ARHGEF33: variants seen among roughly 807,000 people sequenced by gnomAD.
The protein encoded by ARHGEF33 is DH and coiled-coil domain-containing protein ENSP00000381780.
Under a neutral mutation model 101.9 loss-of-function variants are expected in ARHGEF33, and 72 were observed. The ratio of observed to expected loss-of-function variants is 0.71; its 90% CI spans 0.58 to 0.86. The LOEUF is 0.86. Ranked by LOEUF, ARHGEF33 falls within the 40% of genes least tolerant of loss-of-function variation. The pLI, the probability that ARHGEF33 is intolerant of heterozygous loss-of-function variation, is 0.00. For missense variants in ARHGEF33, 1,169 were observed against 1,111.3 expected (o/e 1.05, Z -0.74); for synonymous variants, 499 against 442.5 (o/e 1.13, Z -1.60).
intron 2 of ARHGEF33, among the ~76,000 whole-genome samples, chr2:38,905,841 T>C (rs913236556): frequency 6.6e-6 from 1 of 152,140 alleles, no homozygotes; most frequent in Non-Finnish European, 1.5e-5. Context: ...CAGAACAAGA[T>C]GAAATGAGCA....
intron 2 of ARHGEF33, among the ~76,000 whole-genome samples, chr2:38,909,264 C>T (rs1666458449): frequency 6.6e-6 from 1 of 152,072 alleles, no homozygotes; most frequent in African/African-American, 2.4e-5. Context: ...AATAAGGCCA[C>T]TTATTGTTTG....
At chr2:38,907,220 G>A (rs1666412503) in intron 2 of ARHGEF33, among the ~76,000 whole-genome samples, 1 of 152,188 alleles carries the variant, frequency 6.6e-6, no homozygotes, top group Non-Finnish European at 1.5e-5. Context: ...TGCACGGGCT[G>A]TGGACCATTT....
intron 1 of ARHGEF33, among the ~76,000 whole-genome samples, chr2:38,894,073 C>A (rs1558420858): frequency 6.6e-6 from 1 of 152,144 alleles, no homozygotes; most frequent in Non-Finnish European, 1.5e-5. Context: ...GATCCCAACA[C>A]TTTAGGAGGC....
chr2:38,943,073 G>T (rs569783493), intron 9 of ARHGEF33, among the ~76,000 whole-genome samples: 1 of 152,228 alleles, frequency 6.6e-6, no homozygotes, highest in African/African-American at 2.4e-5. Context: ...GATTACAGGC[G>T]TGTGCCACCA....
chr2:38,945,355 C>A (rs1667418352), intron 10 of ARHGEF33, among the ~76,000 whole-genome samples: 1 of 152,186 alleles, frequency 6.6e-6, no homozygotes, highest in South Asian at 2.1e-4. Flanking sequence ...CCTGACAAAC[C>A]CACGAGTGGC....
At chr2:38,917,828 CAAAAA>C (rs537310536) in intron 2 of ARHGEF33, among the ~76,000 whole-genome samples, 1 of 75,344 alleles carries the variant, frequency 1.3e-5, no homozygotes, top group Admixed American at 1.5e-4. Flanking sequence ...GACCTTGTCT[CAAAAA>C]AAAAAAAAAA....
At chr2:38,970,385 A>G (rs1010493909) in intron 17 of ARHGEF33, among the ~76,000 whole-genome samples, 12 of 152,214 alleles carry the variant, frequency 7.9e-5, no homozygotes, top group African/African-American at 2.9e-4. Flanking sequence ...CAGGGCTGCT[A>G]AAGAATCCAT....
intron 2 of ARHGEF33, among the ~76,000 whole-genome samples, chr2:38,907,296 C>T (rs1468628882): frequency 2.0e-5 from 3 of 152,196 alleles, no homozygotes; most frequent in African/African-American, 7.2e-5. Context: ...GCTTTGCTCA[C>T]TGGGAGTCTT....
Position 38,929,068 on chromosome 2 carries a change from C to A in ARHGEF33, c.237C>A (p.Phe79Leu). The change falls in exon 5 of 18, where the codon TTC (phenylalanine) becomes TTA (leucine). Residue 79 changes from phenylalanine (F) to leucine (L), a missense_variant. Coordinates refer to ENST00000409978, the MANE Select transcript of ARHGEF33 (RefSeq NM_001145451.5). Reference sequence around the variant, plus strand: ...AGATGAAGAATTCATTAAACTATTTCAAGGTAGGCCTCTCTTTAATTTCCC... The same window carrying A: ...AGATGAAGAATTCATTAAACTATTTAAAGGTAGGCCTCTCTTTAATTTCCC... The part of the protein sequence containing the change: ...VTEMKNSLNY[F>L]KEELSNAMSM... The A allele has an allele frequency of 6.5e-7, 1 of 1,545,826 alleles. No individual in the cohort carries two copies. The highest frequency in any genetic ancestry group is 1.2e-5 in the South Asian group (1 of 83,018).
chr2:38,897,159 C>T (rs1295226975), intron 2 of ARHGEF33, among the ~76,000 whole-genome samples: 4 of 152,178 alleles, frequency 2.6e-5, no homozygotes, highest in African/African-American at 7.2e-5. Context: ...AGTGGTCCGC[C>T]CGCCTCGGCC....
chr2:38,959,568 G>T, intron 15 of ARHGEF33: 1 of 366,554 alleles, frequency 2.7e-6, no homozygotes, highest in Admixed American at 4.3e-5. Context: ...AGGAGGGTCA[G>T]GGCTTCCACG....
At chr2:38,912,151 G>C (rs1666523361) in intron 2 of ARHGEF33, among the ~76,000 whole-genome samples, 2 of 152,230 alleles carry the variant, frequency 1.3e-5, no homozygotes, top group Non-Finnish European at 2.9e-5. Flanking sequence ...GGCCTGAATG[G>C]GTGTTTTTAG....
chr2:38,915,349 T>G (rs1666607136), intron 2 of ARHGEF33, among the ~76,000 whole-genome samples: 1 of 151,570 alleles, frequency 6.6e-6, no homozygotes, highest in African/African-American at 2.4e-5. Flanking sequence ...CTGTAGAGTT[T>G]CCAAATTTTC....
At chr2:38,930,965 C>T in intron 6 of ARHGEF33, 144 bp from the exon 7 acceptor site, 1 of 567,576 alleles carries the variant, frequency 1.8e-6, no homozygotes, top group Non-Finnish European at 2.9e-6. Flanking sequence ...TAGTATTTGA[C>T]CACTTTTAAT....
At chr2:38,965,389 C>T (rs1483512911) in intron 16 of ARHGEF33, among the ~76,000 whole-genome samples, 5 of 152,168 alleles carry the variant, frequency 3.3e-5, no homozygotes, top group African/African-American at 4.8e-5. Flanking sequence ...ACTTATTTTA[C>T]TTTATACTCC....
chr2:38,972,312 G>A (rs1012583291), intron 17 of ARHGEF33, among the ~76,000 whole-genome samples: 1 of 152,184 alleles, frequency 6.6e-6, no homozygotes. Flanking sequence ...GGAGTTTTAG[G>A]GTGGGCCATG....
At chr2:38,957,792 C>T in intron 14 of ARHGEF33, 1 of 452,498 alleles carries the variant, frequency 2.2e-6, no homozygotes, top group East Asian at 3.5e-5. Flanking sequence ...GTTATGGAAG[C>T]TGTCTCTCCA....
chr2:38,973,697 G>T lies in ARHGEF33; in HGVS notation c.2484-17G>T. Reference sequence around the variant, plus strand: ...AACCAAATCAACCTGTACTTTATCTGTGTGCTGAGATTTTAGGTCCAGTGG... The same window carrying T: ...AACCAAATCAACCTGTACTTTATCTTTGTGCTGAGATTTTAGGTCCAGTGG... On this transcript the variant is annotated splice_polypyrimidine_tract_variant and intron_variant, in intron 17 of 17. Coordinates refer to ENST00000409978, the MANE Select transcript of ARHGEF33 (RefSeq NM_001145451.5). 1 of 1,522,526 alleles carries T rather than the reference G, an allele frequency of 6.6e-7. No individual in the cohort carries two copies. The highest frequency in any genetic ancestry group is 8.8e-7 in the Non-Finnish European group (1 of 1,133,428). 94.3% of individuals were successfully genotyped at this position (1,522,526 alleles called of 1,614,324 possible). A position where few individuals can be genotyped will look rare whatever the true frequency, so the allele number is the denominator to read the frequency against.
intron 7 of ARHGEF33, among the ~76,000 whole-genome samples, chr2:38,934,859 G>T (rs188845163): frequency 1.5e-4 from 23 of 152,028 alleles, no homozygotes; most frequent in Middle Eastern, 6.9e-3. Flanking sequence ...AAGAGGAATT[G>T]TAATTTTAAA....
Sources: allele counts gnomAD v4.1 joint callset (sites outside exome capture counted in the v4.1 genomes callset), GRCh38; gene constraint gnomAD v4.1.1; transcripts MANE v1.5; gene names NCBI Gene and HGNC (gene_info 2026-07-23, HGNC 2026-07-21).